The following KPNA3 variants were observed in gnomAD, a reference collection of about 807,000 sequenced individuals.
KPNA3 encodes importin subunit alpha-4.
A neutral mutation model predicts 73.8 loss-of-function variants in KPNA3; 13 were observed. The observed-to-expected ratio is 0.18, with a 90% CI of 0.11 to 0.28. The LOEUF is 0.28. Among genes scored for constraint, KPNA3 ranks in the 10% least tolerant of loss-of-function variants. The probability of loss-of-function intolerance (pLI) is 1.00; values close to 1 mark genes in which losing one functional copy is unlikely to be tolerated. For missense variants in KPNA3, 360 were observed against 618.1 expected (o/e 0.58, Z 4.43); for synonymous variants, 186 against 206.9 (o/e 0.90, Z 0.87).
intron 1 of KPNA3, among the ~76,000 whole-genome samples, chr13:49,769,127 A>G (rs994625777): frequency 1.8e-4 from 27 of 151,524 alleles, no homozygotes; most frequent in African/African-American, 6.6e-4. Context: ...AGATATTATC[A>G]TTGTTATCTA....
intron 1 of KPNA3, among the ~76,000 whole-genome samples, chr13:49,758,409 C>A (rs928473441): frequency 6.6e-6 from 1 of 151,992 alleles, no homozygotes; most frequent in Non-Finnish European, 1.5e-5. Context: ...GCAATTTAAC[C>A]CTGCATCTCC....
intron 1 of KPNA3, among the ~76,000 whole-genome samples, chr13:49,782,648 G>A (rs1393748674): frequency 6.6e-6 from 1 of 152,172 alleles, no homozygotes; most frequent in Non-Finnish European, 1.5e-5. Flanking sequence ...GGAGGCTGAG[G>A]TAGGTGAATC....
Position 49,708,331 on chromosome 13 carries a change from T to A in KPNA3, c.1032+1241A>T, listed in dbSNP as rs543444199. Among the ~76,000 whole-genome samples the A allele has an allele frequency of 5.9e-5, 9 of 152,216 alleles. No individual in the cohort carries two copies. In the South Asian group the frequency reaches 1.9e-3, roughly 32 times the overall value. The stretch of plus-strand genomic sequence containing the variant: ...AATTTAAACCACAATGAGACACCAC[T>A]TCACATCTACTAGGATTGTCAGTAA... On this transcript the variant is annotated intron_variant, in intron 12 of 16. Coordinates refer to ENST00000261667, the MANE Select transcript of KPNA3 (RefSeq NM_002267.4).
At chr13:49,784,020 A>AG (rs1047527104) in intron 1 of KPNA3, among the ~76,000 whole-genome samples, 1 of 152,118 alleles carries the variant, frequency 6.6e-6, no homozygotes, top group Non-Finnish European at 1.5e-5. Flanking sequence ...TGGGAGATTG[A>AG]GGAGGGAGGA....
chr13:49,743,572 G>C (rs1374387091), intron 2 of KPNA3, among the ~76,000 whole-genome samples: 3 of 143,668 alleles, frequency 2.1e-5, no homozygotes, highest in African/African-American at 7.7e-5. Flanking sequence ...AGGAAATAAT[G>C]TTAGCCAAAA....
chr13:49,746,328 T>G (rs1004199204), intron 2 of KPNA3, among the ~76,000 whole-genome samples: 9 of 150,808 alleles, frequency 6.0e-5, no homozygotes, highest in African/African-American at 2.2e-4. Context: ...TGTGCCTGTA[T>G]TCACAGCTGG....
At chr13:49,779,349 A>G (rs1057096377) in intron 1 of KPNA3, among the ~76,000 whole-genome samples, 4 of 152,104 alleles carry the variant, frequency 2.6e-5, no homozygotes, top group African/African-American at 9.7e-5. Flanking sequence ...TTCATTCTCT[A>G]TAGTTAACGT....
At chr13:49,753,027 A>AG (rs1954679123) in intron 1 of KPNA3, among the ~76,000 whole-genome samples, 1 of 10,158 alleles carries the variant, frequency 9.8e-5, no homozygotes, top group Non-Finnish European at 1.9e-4. Flanking sequence ...ACTCTGTCTC[A>AG]AAAAAAAAAA....
chr13:49,778,744 ACTACGGTTGTGAACCACCATGCTTGC>A (rs1954917605), intron 1 of KPNA3, among the ~76,000 whole-genome samples: 1 of 152,082 alleles, frequency 6.6e-6, no homozygotes, highest in East Asian at 1.9e-4. Context: ...CCAAGCTGGG[ACTACGGTTGTGAACCACCATGCTTGC>A]CTACTTTTTA....
rs372531728 is a variant in KPNA3 at position 49,710,879 on chromosome 13, A to T, written c.903+12T>A. 3.2e-5 allele frequency: 52 copies of T among 1,607,950 alleles called. No homozygotes were observed. The highest frequency in any genetic ancestry group is 4.2e-5 in the Non-Finnish European group (50 of 1,178,050). ...AACTGTATACAAATAAGAAAAATTT[A>T]AAAATACTTACTTGAACTTTGACTT... On this transcript the variant is annotated intron_variant, in intron 11 of 16. Transcript: ENST00000261667.
At chr13:49,758,789 C>G (rs951329690) in intron 1 of KPNA3, among the ~76,000 whole-genome samples, 1 of 152,062 alleles carries the variant, frequency 6.6e-6, no homozygotes, top group Admixed American at 6.5e-5. Context: ...TACACACACA[C>G]ACAAAATTTT....
chr13:49,709,615 T>C lies in KPNA3; in HGVS notation c.989A>G (p.His330Arg). The C allele has an allele frequency of 1.2e-6, 2 of 1,613,874 alleles. No individual in the cohort carries two copies. Among genetic ancestry groups the C allele is most frequent in the Non-Finnish European group, 1.7e-6 (2 of 1,179,818 alleles). Residue 330 changes from histidine (H) to arginine (R), a missense_variant, in exon 12 of 17, where the codon CAC becomes CGC. Coordinates refer to ENST00000261667, the MANE Select transcript of KPNA3 (RefSeq NM_002267.4). ...TGGGTGTGATAAGAGATTTGGGAAG[T>C]GTGACAGGACATCACAATTGAGAAC... The part of the protein sequence containing the change: ...QVVLNCDVLS[H>R]FPNLLSHPKE...
intron 1 of KPNA3, among the ~76,000 whole-genome samples, chr13:49,754,988 G>C (rs1954698331): frequency 2.6e-5 from 4 of 151,830 alleles, no homozygotes; most frequent in Admixed American, 2.6e-4. Flanking sequence ...ACAAAAAACA[G>C]ATGGGTACAC....
intron 2 of KPNA3, among the ~76,000 whole-genome samples, chr13:49,746,699 T>C (rs1954620148): frequency 6.6e-6 from 1 of 152,182 alleles, no homozygotes; most frequent in Non-Finnish European, 1.5e-5. Context: ...AGAAAGAGGA[T>C]GTCAAAGAAA....
chr13:49,784,123 C>A (rs1412341395), intron 1 of KPNA3, among the ~76,000 whole-genome samples: 3 of 152,114 alleles, frequency 2.0e-5, no homozygotes, highest in Admixed American at 6.5e-5. Context: ...GTAGTGTGCA[C>A]CTGTAGTCCT....
intron 1 of KPNA3, among the ~76,000 whole-genome samples, chr13:49,748,636 A>T (rs1954638018): frequency 6.6e-6 from 1 of 152,138 alleles, no homozygotes; most frequent in Admixed American, 6.5e-5. Flanking sequence ...AATAATCTAG[A>T]TATAAACTTA....
intron 6 of KPNA3, among the ~76,000 whole-genome samples, chr13:49,729,968 C>A (rs759279033): frequency 1.3e-5 from 2 of 152,176 alleles, no homozygotes; most frequent in Non-Finnish European, 2.9e-5. Context: ...CACAGTCAAT[C>A]TGGCTCCAAA....
chr13:49,748,506 G>A (rs1404246824), intron 1 of KPNA3, among the ~76,000 whole-genome samples: 1 of 151,714 alleles, frequency 6.6e-6, no homozygotes, highest in Admixed American at 6.6e-5. Context: ...TACTGCCAAG[G>A]TTCAGTGTGC....
intron 2 of KPNA3, among the ~76,000 whole-genome samples, chr13:49,734,624 G>A (rs769143865): frequency 5.9e-5 from 9 of 152,170 alleles, no homozygotes; most frequent in Non-Finnish European, 1.0e-4. Flanking sequence ...AGATGTCACT[G>A]TATTTCTCTC....
Sources: allele counts gnomAD v4.1 joint callset (sites outside exome capture counted in the v4.1 genomes callset), GRCh38; gene constraint gnomAD v4.1.1; transcripts MANE v1.5; gene names NCBI Gene and HGNC (gene_info 2026-07-23, HGNC 2026-07-21).